KCTD1: variants seen among roughly 807,000 people sequenced by gnomAD.
KCTD1 encodes potassium channel tetramerization domain containing 1.
Under a neutral mutation model 66.0 loss-of-function variants are expected in KCTD1, and 24 were observed. The observed-to-expected ratio is 0.36, with a 90% CI of 0.26 to 0.51. KCTD1 has a LOEUF of 0.51. Ranked by LOEUF, KCTD1 falls within the 20% of genes least tolerant of loss-of-function variation. The probability of loss-of-function intolerance (pLI) is 0.95; values close to 1 mark genes in which losing one functional copy is unlikely to be tolerated. For missense variants in KCTD1, 943 were observed against 1,205.2 expected, an observed-to-expected ratio of 0.78 and a Z score of 3.22; for synonymous variants, 511 against 517.2, an observed-to-expected ratio of 0.99 and a Z score of 0.16.
chr18:26,616,478 T>TAC (rs34225468), intron 1 of KCTD1, among the ~76,000 whole-genome samples: 3,116 of 148,538 alleles, frequency 0.021, 95 homozygotes, highest in African/African-American at 0.069. Context: ...TATATATATA[T>TAC]ACACACACAC....
intron 1 of KCTD1, among the ~76,000 whole-genome samples, chr18:26,617,866 AGGGAGGGAGGG>A (rs1987289964): frequency 2.6e-5 from 1 of 39,116 alleles, no homozygotes; most frequent in African/African-American, 1.3e-4. Flanking sequence ...GGAGGGAGGG[AGGGAGGGAGGG>A]AGGGAAGGAG....
At chr18:26,494,916 C>T (rs975599420) in intron 2 of KCTD1, among the ~76,000 whole-genome samples, 3 of 151,986 alleles carry the variant, frequency 2.0e-5, no homozygotes, top group South Asian at 2.1e-4. Flanking sequence ...CCATCTGTGC[C>T]GAGACTACAT....
intron 4 of KCTD1, 49 bp downstream of exon 4, chr18:26,459,570 CA>C: frequency 6.6e-7 from 1 of 1,514,402 alleles, no homozygotes; most frequent in Non-Finnish European, 8.9e-7. Flanking sequence ...GGTTAAGTGA[CA>C]ACAGTAAGAG....
In KCTD1 at chr18:26,455,591, T is replaced by C. The variant is rs1032528656; in HGVS notation, c.*152A>G. ...ACTATTCCAATTGTTCCCATATGAA[T>C]ACAGGTGTGGTCTCTATTGGATATA... On this transcript the variant is annotated 3_prime_UTR_variant, in exon 5 of 5. Transcript: ENST00000580059. 4.0e-6 allele frequency: 3 copies of C among 752,094 alleles called. No individual in the cohort carries two copies. Among genetic ancestry groups the C allele is most frequent in the African/African-American group, 3.5e-5 (2 of 56,488 alleles). 46.6% of individuals were successfully genotyped at this position (752,094 alleles called of 1,614,324 possible).
chr18:26,619,911 T>G (rs531899574), intron 1 of KCTD1, among the ~76,000 whole-genome samples: 1 of 152,014 alleles, frequency 6.6e-6, no homozygotes, highest in Admixed American at 6.5e-5. Flanking sequence ...CACTTTCAAC[T>G]GTGTTTCCTG....
At position 26,548,286 on chromosome 18, in the gene KCTD1, C is replaced by A. The variant is rs1294649998; in HGVS notation, c.251G>T (p.Gly84Val). 6.6e-7 allele frequency: 1 copy of A among 1,509,260 alleles called. No individual in the cohort carries two copies. The highest frequency in any genetic ancestry group is 2.0e-5 in the Admixed American group (1 of 49,352). 93.5% of individuals were successfully genotyped at this position (1,509,260 alleles called of 1,614,324 possible). A position where few individuals can be genotyped will look rare whatever the true frequency, so the allele number is the denominator to read the frequency against. Residue 84 changes from glycine to valine, a missense_variant, in exon 1 of 5, where the codon GGG (glycine) becomes GTG (valine). Physicochemically the swap from Gly to Val is moderately radical, Grantham distance 109. Coordinates refer to ENST00000580059, the MANE Select transcript of KCTD1 (RefSeq NM_001142730.3). ...CTCCTCCTCCTCGTCCTCCTCCAGC[C>A]CCCCACCTCCGTCCTCCTCCTCCTC... ...DEEEEEDGGG[G>V]LEEDEEEEEE...
At chr18:26,619,184 T>C (rs527892446) in intron 1 of KCTD1, among the ~76,000 whole-genome samples, 6 of 152,366 alleles carry the variant, frequency 3.9e-5, no homozygotes, top group Non-Finnish European at 7.3e-5. Flanking sequence ...GCTAAGTAGA[T>C]ATCAAGTTTC....
Position 26,547,676 on chromosome 18 carries a change from G to C in KCTD1, c.861C>G (p.Ala287=), listed in dbSNP as rs769558140. Reference sequence around the variant, plus strand: ...TGGAGGTGTACAGCTTGCGCAGGTCGGCGCGCGTGATGGCTTGCTTCTGCA... The same window carrying C: ...TGGAGGTGTACAGCTTGCGCAGGTCCGCGCGCGTGATGGCTTGCTTCTGCA... ...PVVQKQAITR[A]DLRKLYTSSV... The change falls in exon 1 of 5, where the codon GCC becomes GCG. Residue 287 remains alanine, a synonymous_variant. Transcript: ENST00000580059. The C allele has an allele frequency of 9.7e-6, 15 of 1,551,254 alleles. No individual in the cohort carries two copies. Among genetic ancestry groups the C allele is most frequent in the Non-Finnish European group, 1.1e-5 (13 of 1,147,004 alleles).
intron 1 of KCTD1, among the ~76,000 whole-genome samples, chr18:26,506,921 T>C (rs1162727450): frequency 6.6e-6 from 1 of 152,040 alleles, no homozygotes; most frequent in Non-Finnish European, 1.5e-5. Flanking sequence ...ATTCCAGCAC[T>C]TTGGGAGGCC....
intron 1 of KCTD1, among the ~76,000 whole-genome samples, chr18:26,546,247 A>G (rs1438080196): frequency 6.7e-6 from 1 of 148,960 alleles, no homozygotes; most frequent in Admixed American, 6.8e-5. Context: ...AAAAAGCTAC[A>G]GGAAGTGGGA....
At chr18:26,641,743 A>G (rs953813127), upstream of KCTD1, among the ~76,000 whole-genome samples, 4 of 152,192 alleles carry the variant, frequency 2.6e-5, no homozygotes, top group African/African-American at 9.7e-5. Context: ...GCACAAAATC[A>G]GTGCCTAAAG....
At chr18:26,532,515 C>T (rs1557317) in intron 1 of KCTD1, among the ~76,000 whole-genome samples, 5 of 151,706 alleles carry the variant, frequency 3.3e-5, no homozygotes, top group Non-Finnish European at 7.4e-5. Flanking sequence ...CTTCTAGCCT[C>T]GGCTTCCCAA....
At chr18:26,615,289 G>T (rs975146869) in intron 1 of KCTD1, among the ~76,000 whole-genome samples, 4 of 152,172 alleles carry the variant, frequency 2.6e-5, no homozygotes, top group African/African-American at 9.7e-5. Context: ...TGAGTCAGGT[G>T]AGAACTTTTT....
chr18:26,517,077 G>C (rs1394851291), intron 1 of KCTD1, among the ~76,000 whole-genome samples: 1 of 152,228 alleles, frequency 6.6e-6, no homozygotes, highest in Non-Finnish European at 1.5e-5. Context: ...ACCAGGGGGA[G>C]CTAGGCAGCC....
chr18:26,601,494 A>G (rs2144971191), intron 1 of KCTD1, among the ~76,000 whole-genome samples: 1 of 152,262 alleles, frequency 6.6e-6, no homozygotes, highest in South Asian at 2.1e-4. Flanking sequence ...AAGTTCTTAA[A>G]TTGAGGAAAG....
chr18:26,615,099 T>A (rs1157547700), intron 1 of KCTD1, among the ~76,000 whole-genome samples: 1 of 152,168 alleles, frequency 6.6e-6, no homozygotes, highest in African/African-American at 2.4e-5. Context: ...AATCATAACA[T>A]CCTCCCCACC....
At chr18:26,496,428 C>T (rs1016903765) in intron 2 of KCTD1, among the ~76,000 whole-genome samples, 2 of 152,076 alleles carry the variant, frequency 1.3e-5, no homozygotes, top group African/African-American at 4.8e-5. Flanking sequence ...TTCAAAATGG[C>T]AGTCAGAACT....
chr18:26,577,390 C>G (rs1986249013), intron 1 of KCTD1, among the ~76,000 whole-genome samples: 1 of 152,160 alleles, frequency 6.6e-6, no homozygotes, highest in South Asian at 2.1e-4. Context: ...TGTTATCAAT[C>G]AATTCTTTTC....
At chr18:26,461,946 G>A (rs1364333006) in intron 3 of KCTD1, among the ~76,000 whole-genome samples, 1 of 152,062 alleles carries the variant, frequency 6.6e-6, no homozygotes, top group African/African-American at 2.4e-5. Flanking sequence ...ACGAAACCCC[G>A]TCTCTACTAA....
Sources: allele counts gnomAD v4.1 joint callset (sites outside exome capture counted in the v4.1 genomes callset), GRCh38; gene constraint gnomAD v4.1.1; transcripts MANE v1.5; gene names NCBI Gene and HGNC (gene_info 2026-07-23, HGNC 2026-07-21).